The following CELF2 variants were observed in gnomAD, a reference collection of about 807,000 sequenced individuals.
The protein encoded by CELF2 is CUGBP Elav-like family member 2.
Under a neutral mutation model 62.6 loss-of-function variants are expected in CELF2, and 8 were observed. The observed-to-expected ratio is 0.13, with a 90% CI of 0.07 to 0.23. The LOEUF (loss-of-function observed/expected upper bound fraction) is 0.23. CELF2 is among the 10% of genes least tolerant of loss of function. CELF2 has a pLI of 1.00. For missense variants in CELF2, 333 were observed against 671.0 expected, an observed-to-expected ratio of 0.50 and a Z score of 5.56; for synonymous variants, 258 against 250.0, an observed-to-expected ratio of 1.03 and a Z score of -0.30.
At chr10:11,289,819 C>T (rs543909961) in intron 9 of CELF2, among the ~76,000 whole-genome samples, 4 of 152,290 alleles carry the variant, frequency 2.6e-5, no homozygotes, top group Admixed American at 6.5e-5. Flanking sequence ...AATCCTGTAA[C>T]GATCCCTTTT....
intron 1 of CELF2, among the ~76,000 whole-genome samples, chr10:11,151,624 A>T (rs921465242): frequency 1.3e-5 from 2 of 152,168 alleles, no homozygotes; most frequent in African/African-American, 4.8e-5. Context: ...GTGGCTCCAG[A>T]GAGCCACCTG....
At chr10:11,150,099 A>G (rs1181889731) in intron 1 of CELF2, among the ~76,000 whole-genome samples, 1 of 152,224 alleles carries the variant, frequency 6.6e-6, no homozygotes, top group East Asian at 1.9e-4. Context: ...TTAGCTTTCA[A>G]CATCAGTGAT....
chr10:10,979,409 G>A (rs1304614634), intron 2 of CELF2, among the ~76,000 whole-genome samples: 7 of 152,252 alleles, frequency 4.6e-5, no homozygotes, highest in African/African-American at 7.2e-5. Flanking sequence ...TGTGCCTCAC[G>A]CCTGTAATCC....
In CELF2 at chr10:11,302,807, T is replaced by C. The variant is rs749589954; in HGVS notation, c.977-11332T>C. Among the ~76,000 whole-genome samples the C allele has an allele frequency of 9.2e-5, 14 of 152,222 alleles. No homozygotes were observed. Among genetic ancestry groups the C allele is most frequent in the Non-Finnish European group, 1.8e-4 (12 of 68,038 alleles). ...AATTGACATGAGATTTTCACATTGT[T>C]CCGCTGTGCTGCGGACAGTGGAAGT... On this transcript the variant is annotated intron_variant, in intron 9 of 12. Transcript: ENST00000633077. This position sits in a 1 kb window ranked among gnomAD's most constrained non-coding sequence, Gnocchi z 5.0.
At chr10:10,484,435 GC>G in the CELF2 span, among the ~76,000 whole-genome samples, 1 of 144,886 alleles carries the variant, frequency 6.9e-6, no homozygotes, top group Non-Finnish European at 1.5e-5. Context: ...TCCTGCCTCA[GC>G]CCCCCAAGGA....
chr10:11,271,559 A>T (rs1037011449), intron 7 of CELF2, among the ~76,000 whole-genome samples: 4 of 152,220 alleles, frequency 2.6e-5, no homozygotes, highest in African/African-American at 4.8e-5. Context: ...GAAGGCAGCC[A>T]GTACTCCAGA....
the CELF2 span, among the ~76,000 whole-genome samples, chr10:10,488,103 A>G: frequency 6.6e-6 from 1 of 152,176 alleles, no homozygotes; most frequent in African/African-American, 2.4e-5. Flanking sequence ...ATAACCATAA[A>G]ACATTAATTT....
chr10:10,509,144 T>C, the CELF2 span, among the ~76,000 whole-genome samples: 1 of 152,208 alleles, frequency 6.6e-6, no homozygotes, highest in Admixed American at 6.5e-5. Flanking sequence ...TCCCATTGTT[T>C]TGCTTGCATG....
chr10:11,322,929 GAGC>G (rs1349671609), intron 11 of CELF2, among the ~76,000 whole-genome samples: 3 of 151,964 alleles, frequency 2.0e-5, no homozygotes, highest in African/African-American at 7.3e-5. Flanking sequence ...TGAGGGCAGA[GAGC>G]AGGGCCCTGT....
chr10:10,604,927 A>AGTT, the CELF2 span, among the ~76,000 whole-genome samples: 1 of 152,204 alleles, frequency 6.6e-6, no homozygotes, highest in Non-Finnish European at 1.5e-5. Context: ...CTGGGTACAT[A>AGTT]CCCAAAGGAA....
chr10:10,845,195 G>C (rs2058932314), intron 1 of CELF2, among the ~76,000 whole-genome samples: 2 of 152,070 alleles, frequency 1.3e-5, no homozygotes, highest in Admixed American at 1.3e-4. Flanking sequence ...GTGTCTCTGA[G>C]ATGGTAGGCT....
At position 11,202,901 on chromosome 10, in the gene CELF2, A is replaced by ATCTCTCTCTC. The variant is rs56373613; in HGVS notation, c.272-14482_272-14473dup. On this transcript the variant is annotated intron_variant, in intron 2 of 12. Transcript: ENST00000633077. Reference sequence around the variant, plus strand: ...TGCCTGCCTTCCCACCCCCATCCTCATCTCTCTCTCTCTCTCTCTCTCTCT... The same window carrying ATCTCTCTCTC: ...TGCCTGCCTTCCCACCCCCATCCTCATCTCTCTCTCTCTCTCTCTCTCTCTCTCTCTCTCT... Among the ~76,000 whole-genome samples the ATCTCTCTCTC allele has an allele frequency of 3.1e-4, 22 of 70,962 alleles. No homozygotes were observed. The East Asian group carries it at 4.5e-3, about 14-fold the overall frequency. 46.6% of individuals were successfully genotyped at this position (70,962 alleles called of 152,430 possible). A position where few individuals can be genotyped will look rare whatever the true frequency, so the allele number is the denominator to read the frequency against.
chr10:11,072,186 A>G (rs961078585), intron 1 of CELF2, among the ~76,000 whole-genome samples: 7 of 152,154 alleles, frequency 4.6e-5, no homozygotes, highest in African/African-American at 1.4e-4. Context: ...CCCATTTAAT[A>G]GATGTTTTCA....
At chr10:10,649,943 C>A in the CELF2 span, among the ~76,000 whole-genome samples, 1 of 150,862 alleles carries the variant, frequency 6.6e-6, no homozygotes, top group African/African-American at 2.4e-5. Context: ...TTTAAGTGGC[C>A]ATTTAGATCG....
chr10:10,746,411 G>T, the CELF2 span, among the ~76,000 whole-genome samples: 2 of 152,232 alleles, frequency 1.3e-5, no homozygotes, highest in South Asian at 4.1e-4. Flanking sequence ...CTCTTGGAGA[G>T]ATGCTATGCC....
At chr10:10,509,487 A>G in the CELF2 span, among the ~76,000 whole-genome samples, 4 of 152,238 alleles carry the variant, frequency 2.6e-5, no homozygotes, top group Non-Finnish European at 5.9e-5. Flanking sequence ...ATCTGACCTC[A>G]TCAGGCACCA....
At chr10:10,577,073 T>A in the CELF2 span, among the ~76,000 whole-genome samples, 2 of 152,146 alleles carry the variant, frequency 1.3e-5, no homozygotes, top group East Asian at 1.9e-4. Flanking sequence ...ACAGGCAGAA[T>A]TTGTATCTTG....
At chr10:10,918,994 G>T (rs1446373395) in intron 1 of CELF2, among the ~76,000 whole-genome samples, 8 of 152,120 alleles carry the variant, frequency 5.3e-5, no homozygotes, top group Non-Finnish European at 1.2e-4. Flanking sequence ...AGATGGGCCA[G>T]GTGCGGTGGC....
intron 4 of CELF2, among the ~76,000 whole-genome samples, chr10:11,250,565 C>T (rs1294702822): frequency 8.5e-5 from 13 of 152,250 alleles, no homozygotes; most frequent in Middle Eastern, 3.4e-3. Flanking sequence ...CATCAGTTAC[C>T]GTGTGCCACG....
Sources: allele counts gnomAD v4.1 joint callset (sites outside exome capture counted in the v4.1 genomes callset), GRCh38; gene constraint gnomAD v4.1.1; non-coding constraint Gnocchi (gnomAD v3.1); transcripts MANE v1.5; gene names NCBI Gene and HGNC (gene_info 2026-07-23, HGNC 2026-07-21).